The following RNF130 variants were observed in gnomAD, a reference collection of about 807,000 sequenced individuals.
RNF130 encodes the protein E3 ubiquitin-protein ligase RNF130.
Under a neutral mutation model 44.6 loss-of-function variants are expected in RNF130, and 21 were observed. That is an observed-to-expected ratio of 0.47 (90% CI 0.33 to 0.68). The LOEUF (loss-of-function observed/expected upper bound fraction) is 0.68, where lower values mean the gene tolerates loss of function less well. Among genes scored for constraint, RNF130 ranks in the 30% least tolerant of loss-of-function variants. RNF130 has a pLI of 0.02. For synonymous variants in RNF130, 214 were observed against 210.4 expected (o/e 1.02, Z -0.15); for missense variants, 479 against 560.6 (o/e 0.85, Z 1.47).
chr5:180,023,739 G>C (rs555213554), intron 2 of RNF130, among the ~76,000 whole-genome samples: 1 of 152,124 alleles, frequency 6.6e-6, no homozygotes, highest in Non-Finnish European at 1.5e-5. Flanking sequence ...TTAATAAATG[G>C]AGCAGAGGCA....
chr5:180,036,753 T>C (rs1363796220), intron 2 of RNF130, among the ~76,000 whole-genome samples: 1 of 148,806 alleles, frequency 6.7e-6, no homozygotes, highest in Non-Finnish European at 1.5e-5. Flanking sequence ...TATAAATATT[T>C]CACAAAGTTT....
chr5:179,916,041 C>T (rs1761539914), exon 8 of RNF130: 1 of 152,182 alleles, frequency 6.6e-6, no homozygotes, highest in African/African-American at 2.4e-5. Context: ...ACTGTAGAAT[C>T]CCACTTCTCT....
intron 6 of RNF130, among the ~76,000 whole-genome samples, chr5:179,969,181 T>C (rs1582149939): frequency 2.6e-5 from 4 of 152,306 alleles, no homozygotes; most frequent in African/African-American, 9.6e-5. Context: ...AGCATAACCC[T>C]GGCTATACAT....
At chr5:180,055,469 T>TGC (rs1223926012) in intron 1 of RNF130, among the ~76,000 whole-genome samples, 211 of 143,274 alleles carry the variant, frequency 1.5e-3, no homozygotes, top group African/African-American at 5.2e-3. Flanking sequence ...TGTGTGTGTG[T>TGC]GCGCGCGCGC....
chr5:180,011,908 A>G (rs1763604491), intron 3 of RNF130, among the ~76,000 whole-genome samples: 1 of 152,230 alleles, frequency 6.6e-6, no homozygotes, highest in Admixed American at 6.5e-5. Flanking sequence ...TAAAATTACA[A>G]ATATAAAAAT....
intron 7 of RNF130, among the ~76,000 whole-genome samples, chr5:179,948,151 C>T (rs1440521911): frequency 6.6e-6 from 1 of 152,204 alleles, no homozygotes; most frequent in East Asian, 1.9e-4. Flanking sequence ...ACCTTTTGAA[C>T]CATCAGTTTT....
chr5:180,061,093 A>AG (rs1554107778), intron 1 of RNF130, among the ~76,000 whole-genome samples: 12 of 149,698 alleles, frequency 8.0e-5, no homozygotes, highest in African/African-American at 2.9e-4. Flanking sequence ...AAAAAAAAAA[A>AG]GCTATGTTCA....
intron 5 of RNF130, among the ~76,000 whole-genome samples, chr5:179,974,843 G>A (rs555123193): frequency 1.8e-4 from 28 of 152,372 alleles, no homozygotes; most frequent in Admixed American, 9.1e-4. Flanking sequence ...ACGCAGCGGC[G>A]CGGGGAGGAG....
At chr5:179,945,284 C>G (rs1276373470) in intron 7 of RNF130, among the ~76,000 whole-genome samples, 1 of 152,120 alleles carries the variant, frequency 6.6e-6, no homozygotes, top group Non-Finnish European at 1.5e-5. Context: ...GTGCTGACTG[C>G]ACCTGGGAAA....
intron 3 of RNF130, among the ~76,000 whole-genome samples, chr5:179,984,676 G>A (rs1762915213): frequency 6.6e-6 from 1 of 152,094 alleles, no homozygotes. Context: ...CTATGTTCAA[G>A]AGGGGTCCTG....
chr5:179,968,858 T>TCTAAATG (rs1762515196), intron 6 of RNF130, among the ~76,000 whole-genome samples: 7 of 152,050 alleles, frequency 4.6e-5, no homozygotes, highest in Admixed American at 3.9e-4. Flanking sequence ...TGCTGAACGG[T>TCTAAATG]CTACGATGCA....
At chr5:179,983,471 C>A (rs751299732) in intron 3 of RNF130, among the ~76,000 whole-genome samples, 2 of 151,730 alleles carry the variant, frequency 1.3e-5, no homozygotes, top group Non-Finnish European at 2.9e-5. Flanking sequence ...GGTCTATGTG[C>A]GGACACTATT....
chr5:179,931,528 G>C (rs746813120), intron 7 of RNF130, among the ~76,000 whole-genome samples: 3 of 151,928 alleles, frequency 2.0e-5, no homozygotes, highest in South Asian at 2.1e-4. Flanking sequence ...CAGCACTTTG[G>C]GGGGCCGAGG....
At chr5:179,927,227 A>C (rs1285078258) in intron 7 of RNF130, among the ~76,000 whole-genome samples, 1 of 152,208 alleles carries the variant, frequency 6.6e-6, no homozygotes, top group Non-Finnish European at 1.5e-5. Flanking sequence ...CAAGCAGCTG[A>C]ATTTCAGAGG....
At chr5:180,060,995 G>A (rs1394859081) in intron 1 of RNF130, among the ~76,000 whole-genome samples, 2 of 150,766 alleles carry the variant, frequency 1.3e-5, no homozygotes, top group Admixed American at 6.6e-5. Flanking sequence ...CGTGAACCCC[G>A]GGGGGGCGGA....
intron 7 of RNF130, among the ~76,000 whole-genome samples, chr5:179,942,347 T>C (rs1761978413): frequency 1.3e-5 from 2 of 151,924 alleles, no homozygotes. Flanking sequence ...CATTTATCAA[T>C]ATTAAAGAGA....
At chr5:180,005,703 C>T (rs929941316) in intron 3 of RNF130, among the ~76,000 whole-genome samples, 2 of 152,190 alleles carry the variant, frequency 1.3e-5, no homozygotes, top group East Asian at 3.8e-4. Flanking sequence ...AGGTCACAAC[C>T]TACCTTCTCT....
intron 7 of RNF130, among the ~76,000 whole-genome samples, chr5:179,937,416 G>A (rs1401712010): frequency 1.3e-5 from 2 of 152,188 alleles, no homozygotes; most frequent in African/African-American, 4.8e-5. Context: ...CAAAGAAGAT[G>A]TATGAGTGGC....
chr5:179,971,571 A>G (rs1316322264), intron 5 of RNF130, among the ~76,000 whole-genome samples: 1 of 152,138 alleles, frequency 6.6e-6, no homozygotes, highest in Non-Finnish European at 1.5e-5. Context: ...GGGTTTCACC[A>G]TGTTAGCCAG....
Sources: gnomAD v4.1 joint callset for allele counts (sites outside exome capture counted in the v4.1 genomes callset) on GRCh38, gnomAD v4.1.1 for gene constraint, MANE v1.5 for transcripts, NCBI Gene and HGNC (gene_info 2026-07-23, HGNC 2026-07-21) for gene names.